The following FBXO42 variants were observed in gnomAD, a reference collection of about 807,000 sequenced individuals.
FBXO42 encodes the protein F-box protein 42.
Under a neutral mutation model 71.7 loss-of-function variants are expected in FBXO42, and 12 were observed. The ratio of observed to expected loss-of-function variants is 0.17; its 90% CI spans 0.11 to 0.27. The LOEUF (loss-of-function observed/expected upper bound fraction) is 0.27, where lower values mean the gene tolerates loss of function less well. Ranked by LOEUF, FBXO42 falls within the 10% of genes least tolerant of loss-of-function variation. The pLI is 1.00. For synonymous variants in FBXO42, 325 were observed against 327.5 expected, an observed-to-expected ratio of 0.99 and a Z score of 0.08; for missense variants, 707 against 911.9, an observed-to-expected ratio of 0.78 and a Z score of 2.89.
chr1:16,340,511 G>C (rs952930812), intron 1 of FBXO42, among the ~76,000 whole-genome samples: 1 of 152,016 alleles, frequency 6.6e-6, no homozygotes, highest in Non-Finnish European at 1.5e-5. Flanking sequence ...TAGAGACGGG[G>C]TTTCACCATG....
chr1:16,351,367 C>A (rs372020388), intron 1 of FBXO42, among the ~76,000 whole-genome samples: 96 of 152,150 alleles, frequency 6.3e-4, no homozygotes, highest in African/African-American at 2.2e-3. Flanking sequence ...TCGGGGCCAG[C>A]AACTGCCAGC....
intron 4 of FBXO42, among the ~76,000 whole-genome samples, chr1:16,278,271 G>A (rs950663819): frequency 1.6e-4 from 25 of 151,664 alleles, no homozygotes; most frequent in Middle Eastern, 3.4e-3. Context: ...CAGGAGAATC[G>A]CTTGAACCCG....
intron 4 of FBXO42, chr1:16,292,950 G>C (rs1195148285): frequency 6.6e-6 from 1 of 152,174 alleles, no homozygotes; most frequent in East Asian, 1.9e-4. Flanking sequence ...CTGTACTCCA[G>C]CCTGGGTGAC....
chr1:16,315,457 T>C (rs2082354999), intron 1 of FBXO42, 22 bp from the exon 2 acceptor site: 2 of 1,601,518 alleles, frequency 1.2e-6, no homozygotes, highest in Non-Finnish European at 1.7e-6. Flanking sequence ...AAAACATAAA[T>C]ATCAGTATTC....
chr1:16,255,856 A>G (rs181416304), intron 5 of FBXO42, 35 bp from the exon 6 acceptor site: 2 of 1,454,128 alleles, frequency 1.4e-6, no homozygotes, highest in African/African-American at 2.8e-5. Flanking sequence ...TCAAGAAGTC[A>G]GCACCACACA....
chr1:16,325,517 A>C (rs1471791305), intron 1 of FBXO42, among the ~76,000 whole-genome samples: 1 of 152,232 alleles, frequency 6.6e-6, no homozygotes, highest in East Asian at 1.9e-4. Context: ...ACCAAATTTC[A>C]TAACAGATAC....
intron 1 of FBXO42, among the ~76,000 whole-genome samples, chr1:16,339,398 C>T (rs926564404): frequency 5.9e-5 from 9 of 152,036 alleles, no homozygotes; most frequent in African/African-American, 1.7e-4. Context: ...CTGCAACCTC[C>T]GCCACCTGGG....
chr1:16,274,496 T>C (rs2081877423), intron 4 of FBXO42, among the ~76,000 whole-genome samples: 2 of 151,450 alleles, frequency 1.3e-5, no homozygotes, highest in East Asian at 3.9e-4. Context: ...TGTATACATA[T>C]GTAAAAAACA....
intron 6 of FBXO42, among the ~76,000 whole-genome samples, 156 bp downstream of exon 6, chr1:16,255,555 A>AT (rs2081633595): frequency 6.6e-6 from 1 of 152,156 alleles, no homozygotes; most frequent in African/African-American, 2.4e-5. Context: ...TGCTGGTCAC[A>AT]AACTCCTGAC....
chr1:16,314,701 A>C (rs1173203644), intron 2 of FBXO42, among the ~76,000 whole-genome samples: 1 of 152,100 alleles, frequency 6.6e-6, no homozygotes, highest in African/African-American at 2.4e-5. Flanking sequence ...TGGCTAACAC[A>C]GTGAAACCCC....
At chr1:16,346,408 G>A (rs562280945) in intron 1 of FBXO42, among the ~76,000 whole-genome samples, 2 of 152,076 alleles carry the variant, frequency 1.3e-5, no homozygotes, top group Non-Finnish European at 2.9e-5. Flanking sequence ...AAATAAGAGA[G>A]CGAGGCGTAG....
At position 16,252,250 on chromosome 1, in the gene FBXO42, G is replaced by T; in HGVS notation, c.1038+38C>A. On this transcript the variant is annotated intron_variant, in intron 9 of 9. Coordinates refer to ENST00000375592, the MANE Select transcript of FBXO42 (RefSeq NM_018994.3). This position sits in a 1 kb window ranked among gnomAD's most constrained non-coding sequence, Gnocchi z 4.4. ...AGTAATGTGGTTTTCCACAATTTAGGACCTGTCCTCCTGCTAGCCTGTCAG... is the reference window on the plus strand; with the variant it reads ...AGTAATGTGGTTTTCCACAATTTAGTACCTGTCCTCCTGCTAGCCTGTCAG... The T allele has an allele frequency of 6.8e-7, 1 of 1,478,670 alleles. No homozygotes were observed. The highest frequency in any genetic ancestry group is 9.5e-7 in the Non-Finnish European group (1 of 1,057,070). 91.6% of individuals were successfully genotyped at this position (1,478,670 alleles called of 1,614,324 possible).
chr1:16,327,954 G>A (rs2082464558), intron 1 of FBXO42, among the ~76,000 whole-genome samples: 1 of 152,150 alleles, frequency 6.6e-6, no homozygotes, highest in Admixed American at 6.6e-5. Flanking sequence ...GCCCACCTTG[G>A]TCTCCCAAAG....
chr1:16,327,880 T>C (rs927484942), intron 1 of FBXO42, among the ~76,000 whole-genome samples: 1 of 152,140 alleles, frequency 6.6e-6, no homozygotes, highest in African/African-American at 2.4e-5. Context: ...TTTCGTATTT[T>C]AGTAGAGACT....
intron 1 of FBXO42, among the ~76,000 whole-genome samples, chr1:16,350,573 C>CAAA (rs60358251): frequency 6.1e-4 from 41 of 66,774 alleles, no homozygotes; most frequent in African/African-American, 1.4e-3. Context: ...ACTAAAATTA[C>CAAA]AAAAAAAAAA....
At chr1:16,283,486 T>C (rs1166807101) in intron 4 of FBXO42, among the ~76,000 whole-genome samples, 4 of 146,058 alleles carry the variant, frequency 2.7e-5, no homozygotes, top group African/African-American at 1.0e-4. Flanking sequence ...CTCTTCTAAC[T>C]GTGGCAAGTT....
intron 4 of FBXO42, among the ~76,000 whole-genome samples, chr1:16,261,479 T>C (rs1384138443): frequency 6.6e-6 from 1 of 152,198 alleles, no homozygotes; most frequent in Admixed American, 6.5e-5. Context: ...CATGGCCTAT[T>C]TTATGTCACA....
Position 16,256,734 on chromosome 1 carries a change from T to G in FBXO42, c.528A>C (p.Gly176=), listed in dbSNP as rs1432746410. Residue 176 remains glycine (G), a synonymous_variant, in exon 5 of 10, where the codon GGA becomes GGC. Coordinates refer to ENST00000375592, the MANE Select transcript of FBXO42 (RefSeq NM_018994.3). ...ASGSYPSPKA[G]ATLVVYKDLL... ...AGTCCTTGTACACGACCAGAGTTGC[T>G]CCAGCTTTGGGGGAAGGATAGGACC... 2 of 1,614,156 alleles carry G rather than the reference T, an allele frequency of 1.2e-6. No individual in the cohort carries two copies. The highest frequency in any genetic ancestry group is 2.7e-5 in the African/African-American group (2 of 75,028).
At chr1:16,270,595 T>C (rs1484676303) in intron 4 of FBXO42, among the ~76,000 whole-genome samples, 4 of 145,944 alleles carry the variant, frequency 2.7e-5, no homozygotes, top group African/African-American at 7.7e-5. Flanking sequence ...TCCCAGCACT[T>C]TGTGAGGCTG....
Sources: gnomAD v4.1 joint callset for allele counts (sites outside exome capture counted in the v4.1 genomes callset) on GRCh38, gnomAD v4.1.1 for gene constraint, Gnocchi (gnomAD v3.1) non-coding constraint, MANE v1.5 for transcripts, NCBI Gene and HGNC (gene_info 2026-07-23, HGNC 2026-07-21) for gene names.